HAND2: variants seen among roughly 807,000 people sequenced by gnomAD.
The protein encoded by HAND2 is heart and neural crest derivatives expressed 2.
Under a neutral mutation model 14.7 loss-of-function variants are expected in HAND2, and 2 were observed. The ratio of observed to expected loss-of-function variants is 0.14; its 90% CI spans 0.06 to 0.43. The LOEUF is 0.43. Among genes scored for constraint, HAND2 ranks in the 20% least tolerant of loss-of-function variants. The pLI is 0.99. For synonymous variants in HAND2, 162 were observed against 135.9 expected (o/e 1.19, Z -1.34); for missense variants, 275 against 313.6 (o/e 0.88, Z 0.93).
chr4:173,528,932 C>T lies in HAND2; in HGVS notation c.358G>A (p.Ala120Thr), dbSNP rs1429418429. ...TTGGGGATGCACTCGCGCAGTTCGG[C>T]GAAGGCGCTGTTGATGCTCTGAGTC... ...RRTQSINSAF[A>T]ELRECIPNVP... Residue 120 changes from alanine to threonine, a missense_variant, in exon 1 of 2, where the codon GCC (alanine) becomes ACC (threonine). Physicochemically the swap from Ala to Thr is moderately conservative, Grantham distance 58. Around this residue, in one of 4 missense-constraint regions of HAND2, gnomAD observed 34 missense variants for 77.9 expected, o/e 0.44. Transcript: ENST00000359562. This position sits in a 1 kb window ranked among gnomAD's most constrained non-coding sequence, Gnocchi z 5.6. 1 of 1,613,894 alleles carries T rather than the reference C, an allele frequency of 6.2e-7. No individual in the cohort carries two copies. Among genetic ancestry groups the T allele is most frequent in the Non-Finnish European group, 8.5e-7 (1 of 1,180,012 alleles).
In HAND2 at chr4:173,528,534, TCTC is replaced by T. The variant is rs1205759814; in HGVS notation, c.555+198_555+200del. 9.5e-6 allele frequency: 6 copies of T among 633,992 alleles called. No homozygotes were observed. The highest frequency in any genetic ancestry group is 5.6e-5 in the East Asian group (2 of 35,800). 39.3% of individuals were successfully genotyped at this position (633,992 alleles called of 1,614,324 possible). A position where few individuals can be genotyped will look rare whatever the true frequency, so the allele number is the denominator to read the frequency against. ...CACCAGCGCAAAGCATCCCTAACCTTCTCCTCCTCCTGCTGACACCCTCCCCTC... is the reference window on the plus strand; with the variant it reads ...CACCAGCGCAAAGCATCCCTAACCTTCTCCTCCTGCTGACACCCTCCCCTC... On this transcript the variant is annotated intron_variant, in intron 1 of 1. Transcript: ENST00000359562. The surrounding 1 kb of genome is among the most constrained non-coding windows in gnomAD (Gnocchi z 5.6).
chr4:173,527,800 C>G (rs933997067), intron 1 of HAND2: 3 of 180,782 alleles, frequency 1.7e-5, no homozygotes, highest in African/African-American at 7.2e-5. Context: ...CAGAGGCTCT[C>G]GGCCTCCAGC....
rs200359872 is a variant in HAND2, at chr4:173,526,623, A to C, written c.*654T>G. The C allele has an allele frequency of 1.0e-3, 173 of 166,880 alleles. No homozygotes were observed. The highest frequency in any genetic ancestry group is 8.8e-3 in the East Asian group (55 of 6,278). 10.3% of individuals were successfully genotyped at this position (166,880 alleles called of 1,614,324 possible). On this transcript the variant is annotated 3_prime_UTR_variant, in exon 2 of 2. Transcript: ENST00000359562. ...AGATTAAGGTTTTTGTAAAAAAAAA[A>C]CACAGTGGTTTATTGAATACTTACA...
intron 1 of HAND2, chr4:173,527,741 T>G: frequency 4.3e-6 from 1 of 232,276 alleles, no homozygotes. Flanking sequence ...GATCCACATC[T>G]AGGAAAAATA....
At position 173,528,824 on chromosome 4, in the gene HAND2, C is replaced by A. The variant is rs576414861; in HGVS notation, c.466G>T (p.Ala156Ser). 6.2e-7 allele frequency: 1 copy of A among 1,614,236 alleles called. No homozygotes were observed. Among genetic ancestry groups the A allele is most frequent in the South Asian group, 1.1e-5 (1 of 91,090 alleles). The part of the protein sequence containing the change: ...SYIAYLMDLL[A>S]KDDQNGEAEA... The stretch of plus-strand genomic sequence containing the variant: ...GCCTCGCCATTCTGGTCGTCCTTGG[C>A]CAGCAGGTCCATGAGGTAGGCGATG... The change falls in exon 1 of 2, where the codon GCC becomes TCC. Residue 156 changes from alanine (A) to serine (S), a missense_variant. Physicochemically the swap from Ala to Ser is moderately conservative, Grantham distance 99. This residue lies in a region of HAND2 where 54 missense variants were observed against 54.3 expected (regional missense o/e 0.99). Transcript: ENST00000359562. The surrounding 1 kb of genome is among the most constrained non-coding windows in gnomAD (Gnocchi z 5.6).
intron 1 of HAND2, chr4:173,527,643 C>A: frequency 4.1e-6 from 2 of 485,636 alleles, no homozygotes; most frequent in Non-Finnish European, 7.5e-6. Context: ...TATGGAGGAG[C>A]GGGGGGCCTT....
At position 173,526,703 on chromosome 4, in the gene HAND2, G is replaced by C. The variant is rs1342996591; in HGVS notation, c.*574C>G. 3.6e-6 allele frequency: 1 copy of C among 279,226 alleles called. No individual in the cohort carries two copies. The highest frequency in any genetic ancestry group is 7.0e-6 in the Non-Finnish European group (1 of 142,226). The allele number at this position is 279,226 out of a possible 1,614,324, so 17.3% of individuals were successfully genotyped here. A position where few individuals can be genotyped will look rare whatever the true frequency, so the allele number is the denominator to read the frequency against. ...CCATTTAGTTTTAGAGGACGGAAGT[G>C]CACAAAACAAGTGGCTGTTGGAAAC... On this transcript the variant is annotated 3_prime_UTR_variant, in exon 2 of 2. Coordinates refer to ENST00000359562, the MANE Select transcript of HAND2 (RefSeq NM_021973.3).
In HAND2 at chr4:173,529,071, G is replaced by T; in HGVS notation, c.219C>A (p.Ala73=). 4.7e-6 allele frequency: 7 copies of T among 1,504,064 alleles called. No homozygotes were observed. Among genetic ancestry groups the T allele is most frequent in the East Asian group, 2.4e-5 (1 of 41,292 alleles). The allele number at this position is 1,504,064 out of a possible 1,614,324, so 93.2% of individuals were successfully genotyped here. ...CCCCGTAATGGGAGTGGTCCAGGCC[G>T]GCGGCGCCGCTGGCATACTCGGGGC... ...SYSPEYASGA[A]GLDHSHYGGV... is the part of the protein sequence containing the mutation. The change falls in exon 1 of 2, where the codon GCC becomes GCA. Residue 73 remains alanine (A), a synonymous_variant. Transcript: ENST00000359562.
At position 173,527,301 on chromosome 4, in the gene HAND2, G is replaced by A. The variant is rs2110902826; in HGVS notation, c.630C>T (p.Val210=). The A allele has an allele frequency of 6.2e-7, 1 of 1,613,070 alleles. No homozygotes were observed. Among genetic ancestry groups the A allele is most frequent in the South Asian group, 1.1e-5 (1 of 91,072 alleles). ...CTCACTGCTTGAGCTCCAGGGCCCA[G>A]ACGTGCTGCGGCCAGCCCGTCCGGC... The part of the protein sequence containing the change: ...TKGRTGWPQH[V]WALELKQ Residue 210 remains valine (V), a synonymous_variant, in exon 2 of 2, where the codon GTC becomes GTT. Coordinates refer to ENST00000359562, the MANE Select transcript of HAND2 (RefSeq NM_021973.3).
rs139852692 is a variant in HAND2 at position 173,526,877 on chromosome 4, C to A, written c.*400G>T. 1 of 446,892 alleles carries A rather than the reference C, an allele frequency of 2.2e-6. No individual in the cohort carries two copies. The highest frequency in any genetic ancestry group is 1.6e-5 in the South Asian group (1 of 61,736). 27.7% of individuals were successfully genotyped at this position (446,892 alleles called of 1,614,324 possible). A position where few individuals can be genotyped will look rare whatever the true frequency, so the allele number is the denominator to read the frequency against. On this transcript the variant is annotated 3_prime_UTR_variant, in exon 2 of 2. Coordinates refer to ENST00000359562, the MANE Select transcript of HAND2 (RefSeq NM_021973.3). Reference sequence around the variant, plus strand: ...CCAAAGGCCAAGTATTAAAGATACACTTCACAAACGCACTAGTGCCCACTG... The same window carrying A: ...CCAAAGGCCAAGTATTAAAGATACAATTCACAAACGCACTAGTGCCCACTG...
At position 173,528,702 on chromosome 4, in the gene HAND2, C is replaced by A. The variant is rs1301688694; in HGVS notation, c.555+33G>T. The A allele has an allele frequency of 1.3e-6, 2 of 1,595,864 alleles. No individual in the cohort carries two copies. Among genetic ancestry groups the A allele is most frequent in the Middle Eastern group, 1.7e-4 (1 of 6,036 alleles). On this transcript the variant is annotated intron_variant, in intron 1 of 1. Transcript: ENST00000359562. The surrounding 1 kb of genome is among the most constrained non-coding windows in gnomAD (Gnocchi z 5.6). The stretch of plus-strand genomic sequence containing the variant: ...GGGAGCACCAGTTCCCTGACCCCCT[C>A]AGCCCCACCGCCTGCCGCCCCCTGG...
Position 173,526,599 on chromosome 4 carries a change from G to C in HAND2, c.*678C>G, listed in dbSNP as rs568339312. ...TCTTTTGAGGTATCAGCCATTAAAA[G>C]ATTAAGGTTTTTGTAAAAAAAAAAC... On this transcript the variant is annotated 3_prime_UTR_variant, in exon 2 of 2. Transcript: ENST00000359562. 1 of 161,524 alleles carries C rather than the reference G, an allele frequency of 6.2e-6. No homozygotes were observed. Among genetic ancestry groups the C allele is most frequent in the Non-Finnish European group, 1.3e-5 (1 of 74,616 alleles). 10.0% of individuals were successfully genotyped at this position (161,524 alleles called of 1,614,324 possible).
At chr4:173,527,537 G>A in intron 1 of HAND2, 162 bp from the exon 2 acceptor site, 1 of 685,300 alleles carries the variant, frequency 1.5e-6, no homozygotes, top group Non-Finnish European at 2.6e-6. Flanking sequence ...AGCTACCAAG[G>A]TTAGCGCTAC....
In HAND2 at chr4:173,528,798, C is replaced by A; in HGVS notation, c.492G>T (p.Ala164=). Residue 164 remains alanine (A), a synonymous_variant, in exon 1 of 2, where the codon GCG becomes GCT. Coordinates refer to ENST00000359562, the MANE Select transcript of HAND2 (RefSeq NM_021973.3). This position sits in a 1 kb window ranked among gnomAD's most constrained non-coding sequence, Gnocchi z 5.6. ...TCTTGATCTCTGCCTTGAAGGCCTC[C>A]GCCTCGCCATTCTGGTCGTCCTTGG... ...LLAKDDQNGE[A]EAFKAEIKKT... is the part of the protein sequence containing the mutation. The A allele has an allele frequency of 2.5e-6, 4 of 1,614,196 alleles. No homozygotes were observed. The highest frequency in any genetic ancestry group is 3.4e-6 in the Non-Finnish European group (4 of 1,180,016).
At chr4:173,527,476 G>C in intron 1 of HAND2, 101 bp from the exon 2 acceptor site, 1 of 820,516 alleles carries the variant, frequency 1.2e-6, no homozygotes, top group Non-Finnish European at 2.1e-6. Context: ...GGAGGAGACA[G>C]TGAACCAGAG....
Position 173,529,082 on chromosome 4 carries a change from T to A in HAND2, c.208A>T (p.Ser70Cys). The change falls in exon 1 of 2, where the codon AGC becomes TGC. Residue 70 changes from serine (S) to cysteine (C), a missense_variant. Ser to Cys is a moderately radical substitution (Grantham distance 112). Transcript: ENST00000359562. ...MALSYSPEYA[S>C]GAAGLDHSHY... The stretch of plus-strand genomic sequence containing the variant: ...GAGTGGTCCAGGCCGGCGGCGCCGC[T>A]GGCATACTCGGGGCTGTAGGACAGG... 1 of 1,504,616 alleles carries A rather than the reference T, an allele frequency of 6.6e-7. No homozygotes were observed. Among genetic ancestry groups the A allele is most frequent in the African/African-American group, 1.5e-5 (1 of 67,804 alleles). The allele number at this position is 1,504,616 out of a possible 1,614,324, so 93.2% of individuals were successfully genotyped here.
Position 173,528,862 on chromosome 4 carries a change from A to T in HAND2, c.428T>A (p.Leu143Gln). 6.2e-7 allele frequency: 1 copy of T among 1,614,204 alleles called. No individual in the cohort carries two copies. The highest frequency in any genetic ancestry group is 8.5e-7 in the Non-Finnish European group (1 of 1,180,036). Residue 143 changes from leucine (L) to glutamine (Q), a missense_variant, in exon 1 of 2, where the codon CTG (leucine) becomes CAG (glutamine). Physicochemically the swap from Leu to Gln is moderately radical, Grantham distance 113. This residue lies in a region of HAND2 where 34 missense variants were observed against 77.9 expected (regional missense o/e 0.44). Transcript: ENST00000359562. The surrounding 1 kb of genome is among the most constrained non-coding windows in gnomAD (Gnocchi z 5.6). ...GAGGTAGGCGATGTAGCTGGTGGCC[A>T]GGCGCAGGGTCTTGATTTTGGAGAG... ...TKLSKIKTLR[L>Q]ATSYIAYLMD...
rs1368976607 is a variant in HAND2 at position 173,527,381 on chromosome 4, C to T, written c.556-6G>A. 2 of 1,604,332 alleles carry T rather than the reference C, an allele frequency of 1.2e-6. No homozygotes were observed. Among genetic ancestry groups the T allele is most frequent in the African/African-American group, 1.3e-5 (1 of 74,740 alleles). On this transcript the variant is annotated splice_region_variant and splice_polypyrimidine_tract_variant and intron_variant, in intron 1 of 1. Coordinates refer to ENST00000359562, the MANE Select transcript of HAND2 (RefSeq NM_021973.3). ...GTGCTTTTCAAGATTTCGTTCTGGACAGAGGAAAGGCGAGGGCGAGAAAAG... is the reference window on the plus strand; with the variant it reads ...GTGCTTTTCAAGATTTCGTTCTGGATAGAGGAAAGGCGAGGGCGAGAAAAG...
At chr4:173,527,606 T>C (rs2110903352) in intron 1 of HAND2, 1 of 563,660 alleles carries the variant, frequency 1.8e-6, no homozygotes, top group Non-Finnish European at 3.2e-6. Flanking sequence ...CACAAGTTTA[T>C]AAACAACCGC....
Sources: allele counts gnomAD v4.1 joint callset, GRCh38; gene constraint gnomAD v4.1.1; regional missense constraint gnomAD v4.1.1; non-coding constraint Gnocchi (gnomAD v3.1); transcripts MANE v1.5; gene names NCBI Gene and HGNC (gene_info 2026-07-23, HGNC 2026-07-21).